NID1: variants seen among roughly 807,000 people sequenced by gnomAD.
NID1 encodes the protein nidogen-1.
A neutral mutation model predicts 130.6 loss-of-function variants in NID1; 76 were observed. The observed-to-expected ratio is 0.58, with a 90% CI of 0.48 to 0.70. NID1 has a LOEUF of 0.70. Among genes scored for constraint, NID1 ranks in the 30% least tolerant of loss-of-function variants. The pLI, the probability that NID1 is intolerant of heterozygous loss-of-function variation, is 0.00. For synonymous variants in NID1, 665 were observed against 675.1 expected, an observed-to-expected ratio of 0.98 and a Z score of 0.23; for missense variants, 1,517 against 1,664.8, an observed-to-expected ratio of 0.91 and a Z score of 1.54.
chr1:235,995,466 C>T (rs894553060), intron 12 of NID1, among the ~76,000 whole-genome samples: 1 of 152,230 alleles, frequency 6.6e-6, no homozygotes, highest in African/African-American at 2.4e-5. Flanking sequence ...GTGGATTCCA[C>T]ACTGGTTAGA....
intron 15 of NID1, among the ~76,000 whole-genome samples, chr1:235,983,643 C>A (rs570401959): frequency 1.3e-5 from 2 of 152,292 alleles, no homozygotes; most frequent in African/African-American, 4.8e-5. Context: ...TCCTTAGAAC[C>A]AGCCTTGGTC....
chr1:236,045,090 T>C (rs962764532), intron 3 of NID1, among the ~76,000 whole-genome samples: 2 of 151,604 alleles, frequency 1.3e-5, no homozygotes, highest in African/African-American at 4.8e-5. Context: ...TCCCAGCTAC[T>C]TGGGAAGCTG....
intron 9 of NID1, among the ~76,000 whole-genome samples, chr1:236,022,420 T>C (rs1658792925): frequency 6.9e-6 from 1 of 145,650 alleles, no homozygotes; most frequent in Non-Finnish European, 1.5e-5. Flanking sequence ...CTCACTGAAA[T>C]CTCTACCTCC....
intron 1 of NID1, among the ~76,000 whole-genome samples, chr1:236,055,777 G>A (rs1023066515): frequency 1.3e-5 from 2 of 152,156 alleles, no homozygotes; most frequent in African/African-American, 4.8e-5. Flanking sequence ...AGGGCCTGTG[G>A]CTCATTGTCC....
intron 15 of NID1, among the ~76,000 whole-genome samples, chr1:235,984,274 A>C (rs1319841158): frequency 6.6e-6 from 1 of 152,204 alleles, no homozygotes; most frequent in African/African-American, 2.4e-5. Flanking sequence ...AAAGCATGAA[A>C]ACTGGAAGAC....
chr1:236,024,558 C>A (rs1219738916), intron 8 of NID1, among the ~76,000 whole-genome samples: 1 of 152,246 alleles, frequency 6.6e-6, no homozygotes, highest in Non-Finnish European at 1.5e-5. Context: ...CAAGAATGCA[C>A]TGACTCCTGA....
At chr1:236,064,476 A>G in intron 1 of NID1, 1 of 214,626 alleles carries the variant, frequency 4.7e-6, no homozygotes. Flanking sequence ...TCCGCGCGAG[A>G]ACCTGGCTCC....
chr1:235,987,404 T>G (rs1657604896), intron 14 of NID1, among the ~76,000 whole-genome samples: 1 of 152,226 alleles, frequency 6.6e-6, no homozygotes, highest in Non-Finnish European at 1.5e-5. Context: ...TTATGTAAAA[T>G]TTAGCCATTG....
In NID1 at chr1:235,979,425, A is replaced by G. The variant is rs1213563980; in HGVS notation, c.3510-318T>C. Reference sequence around the variant, plus strand: ...CCTTTTGCAGGAAGGGGTAGTCAGGAAGAGGCCGTGGGAATATTGCAGTTT... The same window carrying G: ...CCTTTTGCAGGAAGGGGTAGTCAGGGAGAGGCCGTGGGAATATTGCAGTTT... On this transcript the variant is annotated intron_variant, in intron 18 of 19. Transcript: ENST00000264187. This position sits in a 1 kb window ranked among gnomAD's most constrained non-coding sequence, Gnocchi z 4.6. Among the ~76,000 whole-genome samples, 1 of 152,170 alleles carries G rather than the reference A, an allele frequency of 6.6e-6. No individual in the cohort carries two copies. Among genetic ancestry groups the G allele is most frequent in the African/African-American group, 2.4e-5 (1 of 41,440 alleles).
At chr1:236,034,077 T>C (rs4660146) in intron 5 of NID1, among the ~76,000 whole-genome samples, 1 of 151,956 alleles carries the variant, frequency 6.6e-6, no homozygotes, top group Non-Finnish European at 1.5e-5. Flanking sequence ...AACTGATGAA[T>C]GGATAAACAA....
chr1:236,047,417 A>G (rs1365917898), intron 2 of NID1, among the ~76,000 whole-genome samples: 1 of 152,070 alleles, frequency 6.6e-6, no homozygotes, highest in Non-Finnish European at 1.5e-5. Flanking sequence ...TTATTTTTCC[A>G]AGGGAAAATC....
At chr1:235,992,330 C>T (rs1030876060) in intron 13 of NID1, among the ~76,000 whole-genome samples, 7 of 152,196 alleles carry the variant, frequency 4.6e-5, no homozygotes, top group Non-Finnish European at 7.3e-5. Flanking sequence ...CTGGATTCAT[C>T]GTAAGTAGTG....
At position 236,045,521 on chromosome 1, in the gene NID1, A is replaced by T; in HGVS notation, c.688T>A (p.Trp230Arg). The T allele has an allele frequency of 2.5e-6, 4 of 1,614,196 alleles. No individual in the cohort carries two copies. Among genetic ancestry groups the T allele is most frequent in the Non-Finnish European group, 3.4e-6 (4 of 1,180,038 alleles). ...AFSQGSVGFL[W>R]KSNGAYNIFA... ...ATGTTATAAGCTCCGTTGCTCTTCC[A>T]TAAGAATCCCACTGAACCTTGACTG... is the stretch of plus-strand genomic sequence containing the variant. Residue 230 changes from tryptophan (W) to arginine (R), a missense_variant, in exon 3 of 20, where the codon TGG becomes AGG. Transcript: ENST00000264187.
chr1:236,053,316 C>A (rs946879289), intron 1 of NID1, among the ~76,000 whole-genome samples: 6 of 152,138 alleles, frequency 3.9e-5, no homozygotes, highest in Non-Finnish European at 7.4e-5. Context: ...TTGTTTCTGT[C>A]AATTACCCGA....
intron 1 of NID1, among the ~76,000 whole-genome samples, chr1:236,052,045 C>T (rs1053686726): frequency 2.6e-5 from 4 of 152,124 alleles, no homozygotes; most frequent in African/African-American, 7.2e-5. Context: ...ACATTCAGCT[C>T]GATCGTCTGT....
At chr1:236,010,746 T>G (rs1487444779) in intron 12 of NID1, among the ~76,000 whole-genome samples, 1 of 152,258 alleles carries the variant, frequency 6.6e-6, no homozygotes, top group East Asian at 1.9e-4. Context: ...ACAGCCAGAT[T>G]TGGCCCATGG....
intron 4 of NID1, among the ~76,000 whole-genome samples, chr1:236,038,904 A>AATATATATT (rs1659351510): frequency 7.7e-6 from 1 of 129,690 alleles, no homozygotes; most frequent in African/African-American, 3.0e-5. Flanking sequence ...GGTCATATAT[A>AATATATATT]ACATAAATAT....
intron 5 of NID1, 131 bp downstream of exon 5, chr1:236,037,973 T>C (rs1381517516): frequency 6.6e-6 from 7 of 1,060,684 alleles, no homozygotes; most frequent in Admixed American, 2.8e-5. Context: ...AGAGAGACCA[T>C]GTATGGCTGC....
intron 6 of NID1, 99 bp from the exon 7 acceptor site, chr1:236,029,849 C>T (rs2102829776): frequency 9.3e-7 from 1 of 1,073,194 alleles, no homozygotes; most frequent in East Asian, 2.5e-5. Context: ...GCGAACGCTT[C>T]TGCAGGTGCT....
Sources: gnomAD v4.1 joint callset for allele counts (sites outside exome capture counted in the v4.1 genomes callset) on GRCh38, gnomAD v4.1.1 for gene constraint, Gnocchi (gnomAD v3.1) non-coding constraint, MANE v1.5 for transcripts, NCBI Gene and HGNC (gene_info 2026-07-23, HGNC 2026-07-21) for gene names.